Variants in GNAO1 observed in about 807,000 individuals in gnomAD.
The protein encoded by GNAO1 is guanine nucleotide-binding protein G(o) subunit alpha.
For missense variants in GNAO1, 166 were observed against 478.7 expected, an observed-to-expected ratio of 0.35 and a Z score of 6.10; for synonymous variants, 164 against 180.7, an observed-to-expected ratio of 0.91 and a Z score of 0.74.
chr16:56,221,651 C>CAAAAAAAAAAAAAAAAAAAAAAAAAAA (rs11306838), intron 2 of GNAO1, among the ~76,000 whole-genome samples: 2 of 83,860 alleles, frequency 2.4e-5, no homozygotes, highest in Non-Finnish European at 4.8e-5. Context: ...GACTGCATCT[C>CAAAAAAAAAAAAAAAAAAAAAAAAAAA]AAAAAAAAAA....
intron 6 of GNAO1, chr16:56,344,719 C>A (rs551276361): frequency 2.2e-5 from 22 of 985,566 alleles, no homozygotes; most frequent in Admixed American, 1.2e-4. Flanking sequence ...GGGCCTCCCG[C>A]CCAGTCCTCG....
chr16:56,318,408 C>T (rs888402663), intron 3 of GNAO1, among the ~76,000 whole-genome samples: 3 of 152,234 alleles, frequency 2.0e-5, no homozygotes, highest in Non-Finnish European at 4.4e-5. Flanking sequence ...GCGCGATGGC[C>T]GCCGGGCCCG....
intron 2 of GNAO1, among the ~76,000 whole-genome samples, chr16:56,197,470 G>A (rs1270883685): frequency 6.6e-6 from 1 of 152,224 alleles, no homozygotes; most frequent in African/African-American, 2.4e-5. Flanking sequence ...GTAAATACCA[G>A]CAGACCTTCC....
At chr16:56,327,085 A>G (rs1280440598) in intron 3 of GNAO1, among the ~76,000 whole-genome samples, 1 of 152,076 alleles carries the variant, frequency 6.6e-6, no homozygotes, top group South Asian at 2.1e-4. Flanking sequence ...ATACTACAGC[A>G]ACTGCTGTAT....
chr16:56,290,655 G>C (rs2037221878), intron 3 of GNAO1, among the ~76,000 whole-genome samples: 1 of 152,170 alleles, frequency 6.6e-6, no homozygotes. Flanking sequence ...GCAAGGAGTA[G>C]GGGTCACACA....
At chr16:56,244,099 A>G (rs544721459) in intron 2 of GNAO1, among the ~76,000 whole-genome samples, 9 of 152,262 alleles carry the variant, frequency 5.9e-5, no homozygotes, top group South Asian at 4.2e-4. Flanking sequence ...ACTCTTGGCC[A>G]CTCGCCATGC....
intron 2 of GNAO1, among the ~76,000 whole-genome samples, chr16:56,243,702 A>G (rs910904494): frequency 6.6e-6 from 1 of 152,072 alleles, no homozygotes; most frequent in Non-Finnish European, 1.5e-5. Flanking sequence ...TTTAGCAGAT[A>G]TATGTTCCAG....
intron 3 of GNAO1, among the ~76,000 whole-genome samples, chr16:56,280,912 G>C (rs2037108243): frequency 6.6e-6 from 1 of 152,178 alleles, no homozygotes; most frequent in African/African-American, 2.4e-5. Flanking sequence ...GGGAATTACT[G>C]ACTCCAGGAT....
Position 56,351,544 on chromosome 16 carries a change from G to C in GNAO1, c.877+7G>C, listed in dbSNP as rs1596881898. 1 of 1,608,780 alleles carries C rather than the reference G, an allele frequency of 6.2e-7. No individual in the cohort carries two copies. Among genetic ancestry groups the C allele is most frequent in the Middle Eastern group, 1.7e-4 (1 of 6,058 alleles). On this transcript the variant is annotated splice_region_variant and intron_variant, in intron 7 of 8. Coordinates refer to ENST00000262493, the MANE Select transcript of GNAO1 (RefSeq NM_020988.3). The surrounding 1 kb of genome is among the most constrained non-coding windows in gnomAD (Gnocchi z 6.1). ...TGCTTTCCTGAATACACAGGTGGGT[G>C]CCAGGCAGTCCTGTGCAGGGGGAAG...
At chr16:56,232,364 G>A (rs1468414055) in intron 2 of GNAO1, among the ~76,000 whole-genome samples, 1 of 152,112 alleles carries the variant, frequency 6.6e-6, no homozygotes, top group Non-Finnish European at 1.5e-5. Flanking sequence ...GCATTTCCCA[G>A]GTTCATATCC....
intron 6 of GNAO1, chr16:56,345,781 C>T: frequency 6.1e-6 from 6 of 985,582 alleles, no homozygotes; most frequent in Non-Finnish European, 7.2e-6. Context: ...TATTTCTCAG[C>T]AGCACCACGC....
chr16:56,263,567 G>A (rs1318631168), intron 2 of GNAO1, among the ~76,000 whole-genome samples: 5 of 152,218 alleles, frequency 3.3e-5, no homozygotes, highest in African/African-American at 9.6e-5. Context: ...GGTGACATCC[G>A]AGCAGAGCCC....
At position 56,351,609 on chromosome 16, in the gene GNAO1, G is replaced by A; in HGVS notation, c.877+72G>A. The A allele has an allele frequency of 8.0e-7, 1 of 1,254,258 alleles. No individual in the cohort carries two copies. The highest frequency in any genetic ancestry group is 1.1e-6 in the Non-Finnish European group (1 of 874,926). 77.7% of individuals were successfully genotyped at this position (1,254,258 alleles called of 1,614,324 possible). A position where few individuals can be genotyped will look rare whatever the true frequency, so the allele number is the denominator to read the frequency against. On this transcript the variant is annotated intron_variant, in intron 7 of 8. Transcript: ENST00000262493. The surrounding 1 kb of genome is among the most constrained non-coding windows in gnomAD (Gnocchi z 6.1). ...GGACCCATGGCTCAGAGAACAGGCT[G>A]CTCGGCCAGCACTGCTGGGGCTAGC... is the stretch of plus-strand genomic sequence containing the variant.
At chr16:56,233,176 G>C (rs1027285104) in intron 2 of GNAO1, among the ~76,000 whole-genome samples, 19 of 152,292 alleles carry the variant, frequency 1.2e-4, no homozygotes, top group African/African-American at 4.6e-4. Flanking sequence ...TATGAGATCT[G>C]TGTTTAACAT....
rs561791477 is a variant in GNAO1 at position 56,334,984 on chromosome 16, C to A, written c.593+127C>A. ...CAGGGAACCTGCGGGCTGGGGCAGG[C>A]AGCTAGATACTAGAAGGAACCTGTC... On this transcript the variant is annotated intron_variant, in intron 5 of 8. Coordinates refer to ENST00000262493, the MANE Select transcript of GNAO1 (RefSeq NM_020988.3). 117 of 898,832 alleles carry A rather than the reference C, an allele frequency of 1.3e-4. No homozygotes were observed. In the East Asian group the frequency reaches 2.5e-3, roughly 19 times the overall value. The allele number at this position is 898,832 out of a possible 1,614,324, so 55.7% of individuals were successfully genotyped here.
chr16:56,238,562 G>A (rs2036663816), intron 2 of GNAO1, among the ~76,000 whole-genome samples: 1 of 152,192 alleles, frequency 6.6e-6, no homozygotes, highest in Admixed American at 6.5e-5. Context: ...AACATTTGTT[G>A]GAAAGATACT....
chr16:56,253,357 G>A lies in GNAO1; in HGVS notation c.162-22574G>A, dbSNP rs74246240. ...AAGACCTGGGTTGGAGCCCCAGCCC[G>A]GCTACTTGCTGGCCTGTGACCTTGA... On this transcript the variant is annotated intron_variant, in intron 2 of 8. Coordinates refer to ENST00000262493, the MANE Select transcript of GNAO1 (RefSeq NM_020988.3). Among the ~76,000 whole-genome samples the A allele has an allele frequency of 1.2e-3, 184 of 152,340 alleles. 5 individuals carry two copies. In the East Asian group the frequency reaches 0.031, roughly 26 times the overall value.
intron 6 of GNAO1, chr16:56,344,094 C>T (rs1473285912): frequency 7.5e-6 from 11 of 1,461,970 alleles, no homozygotes; most frequent in Admixed American, 2.4e-5. Flanking sequence ...GAGGAGGGAG[C>T]ATCCTCCACC....
intron 3 of GNAO1, among the ~76,000 whole-genome samples, chr16:56,321,224 C>A (rs188464713): frequency 1.6e-3 from 247 of 152,294 alleles, no homozygotes; most frequent in African/African-American, 5.6e-3. Flanking sequence ...AATAAACCAA[C>A]CAAACAAACA....
Sources: gnomAD v4.1 joint callset for allele counts (sites outside exome capture counted in the v4.1 genomes callset) on GRCh38, gnomAD v4.1.1 for gene constraint, Gnocchi (gnomAD v3.1) non-coding constraint, MANE v1.5 for transcripts, NCBI Gene and HGNC (gene_info 2026-07-23, HGNC 2026-07-21) for gene names.